ZNF362: variants seen among roughly 807,000 people sequenced by gnomAD.
ZNF362 encodes the protein rotund homolog.
In ZNF362, 11 loss-of-function variants were observed where a neutral mutation model predicts 42.9. That is an observed-to-expected ratio of 0.26 (90% CI 0.16 to 0.42). The LOEUF is 0.42. ZNF362 is among the 20% of genes least tolerant of loss of function. The probability of loss-of-function intolerance (pLI) is 1.00; values close to 1 mark genes in which losing one functional copy is unlikely to be tolerated. For missense variants in ZNF362, 362 were observed against 576.2 expected (o/e 0.63, Z 3.81); for synonymous variants, 255 against 257.3 (o/e 0.99, Z 0.09).
Position 33,299,184 on chromosome 1 carries a change from C to T in ZNF362, c.*138C>T. The T allele has an allele frequency of 3.0e-6, 2 of 673,234 alleles. No homozygotes were observed. The allele number at this position is 673,234 out of a possible 1,614,324, so 41.7% of individuals were successfully genotyped here. On this transcript the variant is annotated 3_prime_UTR_variant, in exon 9 of 9. Transcript: ENST00000539719. ...TTCCCAATCTTCCAGAAAGCTTGGT[C>T]CGCAGAAGCCCTGCCTGGTCCAGTC...
chr1:33,201,952 A>G, the ZNF362 span, among the ~76,000 whole-genome samples: 1 of 152,260 alleles, frequency 6.6e-6, no homozygotes, highest in Non-Finnish European at 1.5e-5. Context: ...CAGATTCTAA[A>G]TACATCAAAA....
the ZNF362 span, among the ~76,000 whole-genome samples, chr1:33,140,484 G>A: frequency 6.6e-6 from 1 of 152,230 alleles, no homozygotes; most frequent in Non-Finnish European, 1.5e-5. The surrounding 1 kb of genome is among the most constrained non-coding windows in gnomAD (Gnocchi z 4.0). Context: ...GTAAGCAGAG[G>A]AAGCAGGCAC....
At chr1:33,217,880 G>A in the ZNF362 span, among the ~76,000 whole-genome samples, 1 of 152,020 alleles carries the variant, frequency 6.6e-6, no homozygotes, top group Non-Finnish European at 1.5e-5. Context: ...AATATGTCAT[G>A]GATATCTATG....
At chr1:33,197,762 A>G in the ZNF362 span, among the ~76,000 whole-genome samples, 1 of 152,186 alleles carries the variant, frequency 6.6e-6, no homozygotes, top group Non-Finnish European at 1.5e-5. Context: ...AGAGTCCCAG[A>G]AAGGAGAGCA....
the ZNF362 span, among the ~76,000 whole-genome samples, chr1:33,209,416 A>G: frequency 1.3e-5 from 2 of 152,350 alleles, no homozygotes; most frequent in African/African-American, 4.8e-5. Flanking sequence ...AGGCTTTGGT[A>G]TCAGGATGAT....
rs187910392 is a variant in ZNF362, at chr1:33,260,174, T to C, written c.-89+3520T>C. Among the ~76,000 whole-genome samples, 603 of 152,376 alleles carry C rather than the reference T, an allele frequency of 4.0e-3. 5 individuals carry two copies. The highest frequency in any genetic ancestry group is 6.9e-3 in the Non-Finnish European group (468 of 68,030). On this transcript the variant is annotated intron_variant, in intron 1 of 8. Coordinates refer to ENST00000539719, the MANE Select transcript of ZNF362 (RefSeq NM_152493.3). Reference sequence around the variant, plus strand: ...AATGATCTGGGCACCCTGAAAGCCCTGGTCTGCTTTGTCATTCCCCTGCTG... The same window carrying C: ...AATGATCTGGGCACCCTGAAAGCCCCGGTCTGCTTTGTCATTCCCCTGCTG...
chr1:33,158,430 G>T, the ZNF362 span: 1 of 1,408,552 alleles, frequency 7.1e-7, no homozygotes, highest in Non-Finnish European at 1.0e-6. Context: ...AATGCCAGGG[G>T]CCCCGCAGCC....
chr1:33,235,647 T>C, the ZNF362 span, among the ~76,000 whole-genome samples: 1 of 152,140 alleles, frequency 6.6e-6, no homozygotes, highest in African/African-American at 2.4e-5. Context: ...CAATGCTGAA[T>C]ACAGAACAGG....
chr1:33,225,881 CT>C, the ZNF362 span, among the ~76,000 whole-genome samples: 3 of 152,110 alleles, frequency 2.0e-5, no homozygotes, highest in African/African-American at 7.2e-5. Flanking sequence ...ATGGTTTTTT[CT>C]TTTGCATGAT....
chr1:33,231,432 C>A, the ZNF362 span, among the ~76,000 whole-genome samples: 1 of 152,150 alleles, frequency 6.6e-6, no homozygotes, highest in Non-Finnish European at 1.5e-5. Flanking sequence ...GACCAAGGCA[C>A]GGAGACGTCA....
the ZNF362 span, among the ~76,000 whole-genome samples, chr1:33,249,132 TAGA>T: frequency 1.2e-4 from 19 of 152,180 alleles, no homozygotes; most frequent in African/African-American, 4.6e-4. Flanking sequence ...CTGAAGATGG[TAGA>T]AGGTCACCCT....
the ZNF362 span, among the ~76,000 whole-genome samples, chr1:33,138,844 A>G: frequency 1.3e-5 from 2 of 152,138 alleles, no homozygotes; most frequent in African/African-American, 4.8e-5. Context: ...CAATAATTTC[A>G]TTTGTAGGAG....
At chr1:33,224,965 A>C in the ZNF362 span, among the ~76,000 whole-genome samples, 3 of 152,244 alleles carry the variant, frequency 2.0e-5, no homozygotes, top group Non-Finnish European at 4.4e-5. Flanking sequence ...GGACTTCTCC[A>C]CAGAAACCAC....
the ZNF362 span, among the ~76,000 whole-genome samples, chr1:33,161,470 C>T: frequency 6.6e-6 from 1 of 152,082 alleles, no homozygotes; most frequent in Non-Finnish European, 1.5e-5. The surrounding 1 kb of genome is among the most constrained non-coding windows in gnomAD (Gnocchi z 4.3). Context: ...GTGGGAGGCT[C>T]TACAAAGGCT....
the ZNF362 span, chr1:33,164,539 A>C: frequency 6.6e-6 from 1 of 152,364 alleles, no homozygotes; most frequent in South Asian, 2.1e-4. Context: ...ACAGTGAGTT[A>C]GTGGTGGGAT....
At position 33,281,992 on chromosome 1, in the gene ZNF362, T is replaced by A. The variant is rs1645998261; in HGVS notation, c.908+181T>A. The A allele has an allele frequency of 1.6e-6, 1 of 618,074 alleles. No individual in the cohort carries two copies. Among genetic ancestry groups the A allele is most frequent in the South Asian group, 1.9e-5 (1 of 52,088 alleles). The allele number at this position is 618,074 out of a possible 1,614,324, so 38.3% of individuals were successfully genotyped here. A position where few individuals can be genotyped will look rare whatever the true frequency, so the allele number is the denominator to read the frequency against. On this transcript the variant is annotated intron_variant, in intron 6 of 8. Coordinates refer to ENST00000539719, the MANE Select transcript of ZNF362 (RefSeq NM_152493.3). The surrounding 1 kb of genome is among the most constrained non-coding windows in gnomAD (Gnocchi z 4.8). ...GTTACTGCACCCCGTCCCCACTGTT[T>A]CTCATCTCTAGGTCTTTGCACATGC...
chr1:33,254,766 A>G (rs1218624971), upstream of ZNF362, among the ~76,000 whole-genome samples: 1 of 152,034 alleles, frequency 6.6e-6, no homozygotes, highest in South Asian at 2.1e-4. Context: ...GGACGTCACT[A>G]TCTGCAGCCT....
chr1:33,257,320 GAAA>G (rs55688188), intron 1 of ZNF362, among the ~76,000 whole-genome samples: 1 of 141,770 alleles, frequency 7.1e-6, no homozygotes, highest in African/African-American at 2.6e-5. Context: ...GCACTTTAAA[GAAA>G]AAAAAAAAGG....
chr1:33,143,358 T>A, the ZNF362 span: 4 of 152,192 alleles, frequency 2.6e-5, no homozygotes, highest in African/African-American at 9.7e-5. Flanking sequence ...GAGGGGGTGC[T>A]CCGACCCCAG....
Sources: allele counts gnomAD v4.1 joint callset (sites outside exome capture counted in the v4.1 genomes callset), GRCh38; gene constraint gnomAD v4.1.1; non-coding constraint Gnocchi (gnomAD v3.1); transcripts MANE v1.5; gene names NCBI Gene and HGNC (gene_info 2026-07-23, HGNC 2026-07-21).